RIMS2: variants seen among roughly 807,000 people sequenced by gnomAD.
The protein encoded by RIMS2 is regulating synaptic membrane exocytosis 2.
RIMS2 carries 59 observed loss-of-function variants against 174.4 expected under a neutral mutation model. That is an observed-to-expected ratio of 0.34 (90% CI 0.27 to 0.42). The LOEUF (loss-of-function observed/expected upper bound fraction) is 0.42. RIMS2 is among the 10% of genes least tolerant of loss of function. RIMS2 has a pLI of 1.00. For missense variants in RIMS2, 1,620 were observed against 1,666.3 expected (o/e 0.97, Z 0.48); for synonymous variants, 606 against 572.5 (o/e 1.06, Z -0.84).
At chr8:103,507,737 T>C (rs938537772) in intron 1 of RIMS2, among the ~76,000 whole-genome samples, 3 of 152,098 alleles carry the variant, frequency 2.0e-5, no homozygotes. Context: ...GTGATAGATA[T>C]CATTTTTAAA....
chr8:103,766,595 A>C, intron 3 of RIMS2, 58 bp downstream of exon 6: 1 of 1,129,376 alleles, frequency 8.9e-7, no homozygotes, highest in East Asian at 2.5e-5. Flanking sequence ...CATTCCAAAC[A>C]GAGATAACAA....
intron 19 of RIMS2, among the ~76,000 whole-genome samples, chr8:104,169,513 G>T (rs1213403675): frequency 1.3e-5 from 2 of 151,544 alleles, no homozygotes; most frequent in African/African-American, 4.8e-5. Context: ...TATTTCTGTG[G>T]TATCGGCTGT....
At chr8:103,511,625 G>A (rs1411259686) in intron 1 of RIMS2, among the ~76,000 whole-genome samples, 1 of 152,118 alleles carries the variant, frequency 6.6e-6, no homozygotes, top group African/African-American at 2.4e-5. Context: ...ACTTAGGCAT[G>A]TAAAGATTAA....
intron 2 of RIMS2, among the ~76,000 whole-genome samples, chr8:103,712,524 A>G (rs1368911244): frequency 6.6e-6 from 1 of 152,192 alleles, no homozygotes; most frequent in Non-Finnish European, 1.5e-5. Context: ...TGATGTGCTC[A>G]TCAGTAGTTA....
At chr8:103,788,161 T>C (rs1167981362) in intron 3 of RIMS2, among the ~76,000 whole-genome samples, 2 of 149,428 alleles carry the variant, frequency 1.3e-5, no homozygotes, top group African/African-American at 4.9e-5. Context: ...TTATTCTAGT[T>C]ATACATTCTT....
chr8:103,638,628 T>C (rs1388682815), intron 1 of RIMS2, among the ~76,000 whole-genome samples: 1 of 152,082 alleles, frequency 6.6e-6, no homozygotes, highest in Non-Finnish European at 1.5e-5. Flanking sequence ...ATACTCCATG[T>C]TTTTATGTTT....
At chr8:104,132,577 GTA>G (rs891793426) in intron 19 of RIMS2, among the ~76,000 whole-genome samples, 2 of 152,078 alleles carry the variant, frequency 1.3e-5, no homozygotes, top group Non-Finnish European at 2.9e-5. Context: ...TGTTGACCGG[GTA>G]TACAGAGATA....
chr8:104,166,239 T>C (rs1341277707), intron 19 of RIMS2, among the ~76,000 whole-genome samples: 3 of 151,694 alleles, frequency 2.0e-5, no homozygotes, highest in African/African-American at 7.3e-5. Context: ...GCTAATTTTT[T>C]GTATTTTTAG....
intron 1 of RIMS2, among the ~76,000 whole-genome samples, chr8:103,686,769 A>AT (rs1007701634): frequency 9.3e-5 from 14 of 151,148 alleles, no homozygotes; most frequent in Non-Finnish European, 1.9e-4. Context: ...TATCTTTGTA[A>AT]TTTTTTTTTA....
chr8:104,174,266 A>G (rs1320623394), intron 19 of RIMS2, among the ~76,000 whole-genome samples: 1 of 152,166 alleles, frequency 6.6e-6, no homozygotes, highest in Non-Finnish European at 1.5e-5. Context: ...CATTTTAACC[A>G]TTACTAAAGA....
intron 14 of RIMS2, among the ~76,000 whole-genome samples, chr8:103,947,902 C>G (rs2084218939): frequency 6.6e-6 from 1 of 152,082 alleles, no homozygotes; most frequent in African/African-American, 2.4e-5. Context: ...TTTACTGAAA[C>G]ATCATTATAC....
At chr8:104,232,591 C>T (rs1272491182) in intron 19 of RIMS2, among the ~76,000 whole-genome samples, 1 of 152,172 alleles carries the variant, frequency 6.6e-6, no homozygotes, top group Non-Finnish European at 1.5e-5. Context: ...GTTAATCCTG[C>T]TAAACTATCA....
chr8:103,710,685 A>G (rs1304540472), intron 2 of RIMS2, among the ~76,000 whole-genome samples: 1 of 152,106 alleles, frequency 6.6e-6, no homozygotes, highest in Non-Finnish European at 1.5e-5. Flanking sequence ...TTAATCACTA[A>G]TTTAGAAAAA....
chr8:104,093,735 G>A, intron 19 of RIMS2, 92 bp downstream of exon 24: 1 of 967,168 alleles, frequency 1.0e-6, no homozygotes, highest in Non-Finnish European at 1.5e-6. Context: ...TTTCTAACAG[G>A]TTAATATATA....
At chr8:103,589,213 A>G (rs763066732) in intron 1 of RIMS2, among the ~76,000 whole-genome samples, 2 of 151,776 alleles carry the variant, frequency 1.3e-5, no homozygotes, top group African/African-American at 4.8e-5. Context: ...AGAATATATA[A>G]GGAGCTCAAA....
At chr8:103,727,007 G>T (rs577289323) in intron 2 of RIMS2, among the ~76,000 whole-genome samples, 11 of 151,400 alleles carry the variant, frequency 7.3e-5, no homozygotes, top group Admixed American at 2.0e-4. Flanking sequence ...AAAGTGCTGG[G>T]ATTACAGGTG....
chr8:103,567,113 G>C (rs145497422), intron 1 of RIMS2, among the ~76,000 whole-genome samples: 1 of 152,168 alleles, frequency 6.6e-6, no homozygotes, highest in East Asian at 1.9e-4. Flanking sequence ...CTTTCACTTA[G>C]CATAATGTTC....
intron 19 of RIMS2, among the ~76,000 whole-genome samples, chr8:104,172,952 A>G (rs1307502755): frequency 1.3e-5 from 2 of 152,196 alleles, no homozygotes; most frequent in East Asian, 3.9e-4. Flanking sequence ...TTACATGAAG[A>G]TTGCCCAGTC....
chr8:104,176,723 T>C (rs138198689), intron 19 of RIMS2, among the ~76,000 whole-genome samples: 285 of 151,682 alleles, frequency 1.9e-3, no homozygotes, highest in African/African-American at 6.4e-3. Context: ...TTTCATATCA[T>C]TATATATGAT....
Sources: gnomAD v4.1 joint callset for allele counts (sites outside exome capture counted in the v4.1 genomes callset) on GRCh38, gnomAD v4.1.1 for gene constraint, MANE v1.5 for transcripts, NCBI Gene and HGNC (gene_info 2026-07-23, HGNC 2026-07-21) for gene names.